PCDH11X: variants seen among roughly 807,000 people sequenced by gnomAD.
PCDH11X encodes the protein protocadherin-11 X-linked.
PCDH11X carries 18 observed loss-of-function variants against 53.3 expected under a neutral mutation model. The observed-to-expected ratio is 0.34, with a 90% CI of 0.23 to 0.50. The LOEUF is 0.50. Ranked by LOEUF, PCDH11X falls within the 20% of genes least tolerant of loss-of-function variation. The pLI is 0.98. For missense variants in PCDH11X, 570 were observed against 1,032.4 expected, an observed-to-expected ratio of 0.55 and a Z score of 6.14; for synonymous variants, 279 against 393.3, an observed-to-expected ratio of 0.71 and a Z score of 3.44.
At position 92,258,288 on chromosome X, in the gene PCDH11X, G is replaced by A. The variant is rs111225909; in HGVS notation, c.3115-4826G>A. 3.5e-3 allele frequency among the ~76,000 whole-genome samples: 385 copies of A among 110,940 alleles called. 3 individuals carry two copies. The highest frequency in any genetic ancestry group is 4.8e-3 in the Middle Eastern group (1 of 209). ...CTGTAATGGGGGGTGCTACGGTGAA[G>A]GTGTCTGAAATGCCCTTGAGATGAT... On this transcript the variant is annotated intron_variant, in intron 7 of 10. Transcript: ENST00000682573.
At chrX:92,279,302 G>A (rs751684698) in intron 8 of PCDH11X, among the ~76,000 whole-genome samples, 18 of 111,967 alleles carry the variant, frequency 1.6e-4, no homozygotes, top group African/African-American at 5.8e-4. Context: ...TAAGAATTAG[G>A]TTTTCTTCTT....
intron 9 of PCDH11X, among the ~76,000 whole-genome samples, chrX:92,444,592 T>G (rs775447926): frequency 2.6e-3 from 286 of 108,792 alleles, no homozygotes; most frequent in Non-Finnish European, 4.8e-3. Flanking sequence ...ACAGTGGTGA[T>G]AGTAGGCATT....
intron 10 of PCDH11X, among the ~76,000 whole-genome samples, chrX:92,481,954 A>G (rs1473578743): frequency 1.0e-5 from 1 of 100,096 alleles, no homozygotes. Flanking sequence ...GTCCTGCTGC[A>G]CAGTAGCCCC....
intron 8 of PCDH11X, among the ~76,000 whole-genome samples, chrX:92,360,561 T>A (rs1465338598): frequency 9.1e-6 from 1 of 110,235 alleles, no homozygotes; most frequent in Non-Finnish European, 1.9e-5. Context: ...ATCAGCCAAC[T>A]CAAAACAATG....
intron 10 of PCDH11X, among the ~76,000 whole-genome samples, chrX:92,563,045 CCGTTTTTTT>C (rs2075156658): frequency 2.5e-5 from 2 of 80,851 alleles, no homozygotes; most frequent in African/African-American, 4.9e-5. Flanking sequence ...CTCCTTGGTA[CCGTTTTTTT>C]TTTTTTTTTT....
intron 6 of PCDH11X, chrX:92,113,503 G>A: frequency 3.3e-6 from 4 of 1,201,798 alleles, no homozygotes; most frequent in Non-Finnish European, 4.5e-6. Context: ...GCTAGAGCCA[G>A]AACGAAACTC....
At chrX:92,483,082 A>G (rs1189792243) in intron 10 of PCDH11X, among the ~76,000 whole-genome samples, 1 of 109,885 alleles carries the variant, frequency 9.1e-6, no homozygotes, top group Non-Finnish European at 1.9e-5. Context: ...TTATCCCTCA[A>G]AGATAACCAA....
intron 4 of PCDH11X, among the ~76,000 whole-genome samples, chrX:91,824,092 C>T (rs1238249250): frequency 3.6e-5 from 4 of 111,557 alleles, no homozygotes; most frequent in Non-Finnish European, 5.6e-5. Context: ...ACCTTTCTCT[C>T]TGGCTGCCCT....
chrX:91,977,461 C>T (rs34802113), intron 6 of PCDH11X, among the ~76,000 whole-genome samples: 2,765 of 111,628 alleles, frequency 0.025, 79 homozygotes, highest in African/African-American at 0.085. Flanking sequence ...TATAACTGTA[C>T]CTATGCAGGA....
intron 6 of PCDH11X, among the ~76,000 whole-genome samples, chrX:92,015,094 G>A (rs1216632769): frequency 8.9e-6 from 1 of 111,779 alleles, no homozygotes; most frequent in Non-Finnish European, 1.9e-5. Context: ...AAAATAATGT[G>A]CGTATCTTAA....
intron 8 of PCDH11X, among the ~76,000 whole-genome samples, chrX:92,360,238 C>A (rs2070312580): frequency 9.0e-6 from 1 of 110,871 alleles, no homozygotes; most frequent in Admixed American, 9.7e-5. Flanking sequence ...ATACTTTATA[C>A]TTTGTATACA....
intron 6 of PCDH11X, among the ~76,000 whole-genome samples, chrX:92,111,285 G>T (rs1292377552): frequency 2.2e-5 from 2 of 89,549 alleles, no homozygotes; most frequent in Non-Finnish European, 4.1e-5. Context: ...ATATGTTTTC[G>T]CAATACAGAT....
At chrX:92,302,451 T>G (rs2068744126) in intron 8 of PCDH11X, among the ~76,000 whole-genome samples, 1 of 111,010 alleles carries the variant, frequency 9.0e-6, no homozygotes, top group South Asian at 3.8e-4. Flanking sequence ...AAATGGCTGT[T>G]TTTAAATTAA....
At chrX:92,272,188 C>T (rs1276208083) in intron 8 of PCDH11X, among the ~76,000 whole-genome samples, 3 of 111,789 alleles carry the variant, frequency 2.7e-5, no homozygotes, top group African/African-American at 9.7e-5. Flanking sequence ...ACATGTGTTT[C>T]TCCAGTAAAG....
At chrX:92,375,167 T>TATATATA (rs1491474868) in intron 8 of PCDH11X, among the ~76,000 whole-genome samples, 1 of 7,374 alleles carries the variant, frequency 1.4e-4, no homozygotes, top group Non-Finnish European at 2.1e-4. Flanking sequence ...TATATATATA[T>TATATATA]TTTTTTTTTT....
At chrX:92,270,464 A>G (rs1433407895) in intron 8 of PCDH11X, among the ~76,000 whole-genome samples, 2 of 112,087 alleles carry the variant, frequency 1.8e-5, no homozygotes, top group Admixed American at 1.9e-4. Flanking sequence ...CCTCCACTCA[A>G]GAGTTCCCTT....
rs749957815 is a variant in PCDH11X, at chrX:92,328,031, T to G, written c.3145-59704T>G. ...GAAGATTAAGTGTCAGGGAGTGAATTTACCCTTCACCTGAAACAACAAAGA... is the reference window on the plus strand; with the variant it reads ...GAAGATTAAGTGTCAGGGAGTGAATGTACCCTTCACCTGAAACAACAAAGA... On this transcript the variant is annotated intron_variant, in intron 8 of 10. Coordinates refer to ENST00000682573, the MANE Select transcript of PCDH11X (RefSeq NM_032968.5). Among the ~76,000 whole-genome samples the G allele has an allele frequency of 6.8e-3, 725 of 107,037 alleles. 9 individuals are homozygous for G. Among genetic ancestry groups the G allele is most frequent in the African/African-American group, 0.024 (708 of 29,383 alleles). 92.9% of individuals were successfully genotyped at this position (107,037 alleles called of 115,157 possible). A position where few individuals can be genotyped will look rare whatever the true frequency, so the allele number is the denominator to read the frequency against.
At chrX:92,360,962 T>TTC (rs2070332732) in intron 8 of PCDH11X, among the ~76,000 whole-genome samples, 1 of 109,406 alleles carries the variant, frequency 9.1e-6, no homozygotes, top group Admixed American at 9.8e-5. Context: ...AGTATTTTTT[T>TTC]TTTAATTAAA....
intron 6 of PCDH11X, among the ~76,000 whole-genome samples, chrX:92,073,455 G>C (rs910751285): frequency 1.8e-5 from 2 of 112,448 alleles, no homozygotes; most frequent in African/African-American, 3.2e-5. Context: ...AAATGAGAGA[G>C]ACAATTCTCA....
Sources: gnomAD v4.1 joint callset for allele counts (sites outside exome capture counted in the v4.1 genomes callset) on GRCh38, gnomAD v4.1.1 for gene constraint, MANE v1.5 for transcripts, NCBI Gene and HGNC (gene_info 2026-07-23, HGNC 2026-07-21) for gene names.